The following CMPK1 variants were observed in gnomAD, a reference collection of about 807,000 sequenced individuals.
CMPK1 encodes UMP-CMP kinase.
Under a neutral mutation model 25.7 loss-of-function variants are expected in CMPK1, and 10 were observed. The ratio of observed to expected loss-of-function variants is 0.39; its 90% CI spans 0.24 to 0.66. The LOEUF (loss-of-function observed/expected upper bound fraction) is 0.66, where lower values mean the gene tolerates loss of function less well. Among genes scored for constraint, CMPK1 ranks in the 30% least tolerant of loss-of-function variants. The pLI, the probability that CMPK1 is intolerant of heterozygous loss-of-function variation, is 0.48. For missense variants in CMPK1, 199 were observed against 280.5 expected (o/e 0.71, Z 2.08); for synonymous variants, 106 against 101.5 (o/e 1.04, Z -0.27).
At chr1:47,368,639 G>T (rs1167027275) in intron 2 of CMPK1, 24 bp downstream of exon 2, 2 of 1,508,052 alleles carry the variant, frequency 1.3e-6, no homozygotes, top group Non-Finnish European at 1.8e-6. Flanking sequence ...ATGCCAACCA[G>T]TTCAAACCAG....
At chr1:47,341,149 T>C (rs1421430728) in intron 1 of CMPK1, among the ~76,000 whole-genome samples, 1 of 152,182 alleles carries the variant, frequency 6.6e-6, no homozygotes, top group Non-Finnish European at 1.5e-5. Context: ...CACATGCCCA[T>C]AGGGAAAATG....
intron 1 of CMPK1, among the ~76,000 whole-genome samples, chr1:47,336,920 C>T (rs986866121): frequency 2.0e-5 from 3 of 152,180 alleles, no homozygotes; most frequent in African/African-American, 7.2e-5. Context: ...GTTTCTGAAT[C>T]ATAATATGCC....
intron 1 of CMPK1, among the ~76,000 whole-genome samples, chr1:47,342,147 T>C (rs547518885): frequency 4.0e-4 from 61 of 151,974 alleles, no homozygotes; most frequent in Admixed American, 1.6e-3. Flanking sequence ...AGTGGGGTGA[T>C]CTCGGCTCAC....
intron 1 of CMPK1, chr1:47,358,191 C>T (rs146483188): frequency 2.0e-4 from 83 of 418,658 alleles, no homozygotes; most frequent in African/African-American, 1.5e-3. Context: ...AGCTTACTGC[C>T]GCCTCTAACT....
chr1:47,343,719 G>T (rs1218776180), intron 1 of CMPK1, among the ~76,000 whole-genome samples: 3 of 151,940 alleles, frequency 2.0e-5, no homozygotes, highest in African/African-American at 4.8e-5. Flanking sequence ...TTCAAGACCA[G>T]CCTGGGAAAC....
intron 2 of CMPK1, among the ~76,000 whole-genome samples, chr1:47,370,782 C>CAAA (rs60407679): frequency 2.1e-4 from 25 of 116,386 alleles, no homozygotes; most frequent in Non-Finnish European, 4.3e-4. Context: ...ACTAAAAATA[C>CAAA]AAAAAAAAAA....
rs922708813 is a variant in CMPK1 at position 47,378,049 on chromosome 1, G to A, written c.*1304G>A. 1 of 151,952 alleles carries A rather than the reference G, an allele frequency of 6.6e-6. No homozygotes were observed. Among genetic ancestry groups the A allele is most frequent in the Non-Finnish European group, 1.5e-5 (1 of 68,008 alleles). The allele number at this position is 151,952 out of a possible 1,614,324, so 9.4% of individuals were successfully genotyped here. On this transcript the variant is annotated 3_prime_UTR_variant, in exon 6 of 6. Coordinates refer to ENST00000371873, the MANE Select transcript of CMPK1 (RefSeq NM_016308.3). ...AGCACTTACATCATTTGGTACACAGGGTCAAATAGGGCAAATAATTTTGTC... is the reference window on the plus strand; with the variant it reads ...AGCACTTACATCATTTGGTACACAGAGTCAAATAGGGCAAATAATTTTGTC...
chr1:47,337,645 A>G (rs2149323566), intron 1 of CMPK1, among the ~76,000 whole-genome samples: 1 of 148,322 alleles, frequency 6.7e-6, no homozygotes, highest in South Asian at 2.1e-4. Flanking sequence ...ACGAAGTGTC[A>G]CGCTGTCGGC....
chr1:47,358,197 T>C, intron 1 of CMPK1: 1 of 426,370 alleles, frequency 2.3e-6, no homozygotes. Context: ...CTGCCGCCTC[T>C]AACTCCTGGG....
intron 1 of CMPK1, among the ~76,000 whole-genome samples, chr1:47,362,196 T>C (rs1400595889): frequency 7.7e-6 from 1 of 129,082 alleles, no homozygotes; most frequent in Non-Finnish European, 1.6e-5. Flanking sequence ...CGAGACGGAG[T>C]TTGGCTCTTG....
At chr1:47,340,566 A>G (rs1353508291) in intron 1 of CMPK1, among the ~76,000 whole-genome samples, 2 of 152,214 alleles carry the variant, frequency 1.3e-5, no homozygotes, top group Non-Finnish European at 2.9e-5. Context: ...CAGCATTCAG[A>G]AGAAACTAGA....
chr1:47,365,358 T>C (rs1646631996), intron 1 of CMPK1, among the ~76,000 whole-genome samples: 1 of 150,708 alleles, frequency 6.6e-6, no homozygotes, highest in East Asian at 1.9e-4. Flanking sequence ...GTTAGGCCAG[T>C]TGGGATGGCT....
intron 1 of CMPK1, among the ~76,000 whole-genome samples, chr1:47,338,537 T>TTCCCTCCCTCCCTCTCTCCC: frequency 1.6e-5 from 1 of 62,288 alleles, no homozygotes; most frequent in East Asian, 3.3e-4. Flanking sequence ...CCCTCTCTCC[T>TTCCCTCCCTCCCTCTCTCCC]TCCCTCCCTC....
chr1:47,366,244 T>C (rs1413728926), intron 1 of CMPK1, among the ~76,000 whole-genome samples: 1 of 152,214 alleles, frequency 6.6e-6, no homozygotes, highest in Admixed American at 6.5e-5. Flanking sequence ...ATTGTAGTTA[T>C]AGTATTTGTA....
chr1:47,340,057 C>T lies in CMPK1; in HGVS notation c.171+5941C>T, dbSNP rs370064122. Among the ~76,000 whole-genome samples, 702 of 130,716 alleles carry T rather than the reference C, an allele frequency of 5.4e-3. 2 individuals carry two copies. The highest frequency in any genetic ancestry group is 0.033 in the East Asian group (128 of 3,840). The allele number at this position is 130,716 out of a possible 152,430, so 85.8% of individuals were successfully genotyped here. ...CCTTCCCTCCCCTCCCCTCCCCTCCCCTCCCCTTTCCCTTTCTTTCCTATT... is the reference window on the plus strand; with the variant it reads ...CCTTCCCTCCCCTCCCCTCCCCTCCTCTCCCCTTTCCCTTTCTTTCCTATT... On this transcript the variant is annotated intron_variant, in intron 1 of 5. Transcript: ENST00000371873.
At chr1:47,354,003 C>T (rs1384044737) in intron 1 of CMPK1, among the ~76,000 whole-genome samples, 1 of 152,158 alleles carries the variant, frequency 6.6e-6, no homozygotes, top group African/African-American at 2.4e-5. Context: ...AGGCGTGAGC[C>T]ACTGCGCCTC....
chr1:47,340,825 CG>C (rs1319864241), intron 1 of CMPK1, among the ~76,000 whole-genome samples: 2 of 151,928 alleles, frequency 1.3e-5, no homozygotes, highest in Admixed American at 6.6e-5. Context: ...TTAGTAGAGA[CG>C]GGGTTTCTCC....
intron 1 of CMPK1, among the ~76,000 whole-genome samples, chr1:47,337,370 A>C (rs1254397982): frequency 6.6e-6 from 1 of 152,216 alleles, no homozygotes; most frequent in Admixed American, 6.5e-5. Context: ...CAGTAATGGC[A>C]AATAATATTT....
chr1:47,346,584 A>G (rs1421024932), intron 1 of CMPK1, among the ~76,000 whole-genome samples: 2 of 150,866 alleles, frequency 1.3e-5, no homozygotes, highest in African/African-American at 4.9e-5. Context: ...ACTCACTGCA[A>G]CCTCGGCCTC....
Sources: allele counts gnomAD v4.1 joint callset (sites outside exome capture counted in the v4.1 genomes callset), GRCh38; gene constraint gnomAD v4.1.1; transcripts MANE v1.5; gene names NCBI Gene and HGNC (gene_info 2026-07-23, HGNC 2026-07-21).